Variants in KIAA0586 observed in about 807,000 individuals in gnomAD.
The protein encoded by KIAA0586 is protein TALPID3.
In KIAA0586, 144 loss-of-function variants were observed where a neutral mutation model predicts 169.8. The observed-to-expected ratio is 0.85, with a 90% CI of 0.74 to 0.97. The LOEUF is 0.97. Ranked by LOEUF, KIAA0586 falls within the 50% of genes least tolerant of loss-of-function variation. KIAA0586 has a pLI of 0.00. For missense variants in KIAA0586, 1,854 were observed against 1,823.0 expected, an observed-to-expected ratio of 1.02 and a Z score of -0.31; for synonymous variants, 625 against 612.4, an observed-to-expected ratio of 1.02 and a Z score of -0.30.
In KIAA0586 at chr14:58,482,679, T is replaced by TG; in HGVS notation, c.3115dup (p.Asp1039GlyfsTer6). The TG allele has an allele frequency of 1.9e-6, 3 of 1,578,970 alleles. No homozygotes were observed. The highest frequency in any genetic ancestry group is 2.6e-6 in the Non-Finnish European group (3 of 1,165,260). ...AAGGTCCTGTTGCTACAGGTGTTTC[T>TG]GGGGATGCTTCAACAAATGAAACAT... On this transcript the variant is annotated frameshift_variant, in exon 21 of 31. Transcript: ENST00000652326. LOFTEE classifies it high-confidence loss of function.
intron 26 of KIAA0586, among the ~76,000 whole-genome samples, chr14:58,497,600 C>G (rs183428318): frequency 6.6e-6 from 1 of 151,134 alleles, no homozygotes; most frequent in Non-Finnish European, 1.5e-5. Flanking sequence ...CCTGACCTTG[C>G]GATCTGCCCG....
chr14:58,482,492 A>ATT (rs748594194), intron 20 of KIAA0586, 21 bp from the exon 21 acceptor site: 150 of 1,132,762 alleles, frequency 1.3e-4, no homozygotes, highest in South Asian at 2.8e-4. Flanking sequence ...ACTTATTCTG[A>ATT]TTTTTTTTTT....
chr14:58,521,297 T>A, intron 29 of KIAA0586: 1 of 1,142,748 alleles, frequency 8.8e-7, no homozygotes, highest in Non-Finnish European at 1.3e-6. Flanking sequence ...ATCTCAACAC[T>A]CTTGTGCTCC....
At chr14:58,434,638 T>C (rs942168993) in intron 4 of KIAA0586, among the ~76,000 whole-genome samples, 1 of 152,234 alleles carries the variant, frequency 6.6e-6, no homozygotes, top group Admixed American at 6.5e-5. Context: ...TAAATTATAT[T>C]TTATCATATG....
rs1019828731 is a variant in KIAA0586, at chr14:58,492,169, A to G, written c.3884A>G (p.Gln1295Arg). ...EMEDDPPSEG[Q>R]VIRMSHKKFH... ...GAGGATGATCCTCCTAGTGAAGGGC[A>G]AGTGATTAGGATGTCCCATAAAAAA... Residue 1295 changes from glutamine (Q) to arginine (R), a missense_variant, in exon 26 of 31, where the codon CAA becomes CGA. Physicochemically the swap from Gln to Arg is conservative, Grantham distance 43. Coordinates refer to ENST00000652326, the MANE Select transcript of KIAA0586 (RefSeq NM_001329943.3). 3.2e-6 allele frequency: 5 copies of G among 1,546,480 alleles called. No homozygotes were observed. Among genetic ancestry groups the G allele is most frequent in the Middle Eastern group, 3.3e-4 (2 of 5,974 alleles).
chr14:58,454,742 T>G (rs28860573), intron 9 of KIAA0586, among the ~76,000 whole-genome samples: 1 of 152,178 alleles, frequency 6.6e-6, no homozygotes, highest in African/African-American at 2.4e-5. Context: ...TTGGTTTCTT[T>G]TGAGGCCTTT....
intron 16 of KIAA0586, 101 bp from the exon 17 acceptor site, chr14:58,470,512 T>C (rs765487721): frequency 1.2e-5 from 6 of 507,818 alleles, no homozygotes; most frequent in Non-Finnish European, 2.0e-5. Context: ...TTTTTATGTA[T>C]ATGTGTATAC....
Position 58,436,179 on chromosome 14 carries a change from G to A in KIAA0586, c.410+3722G>A, listed in dbSNP as rs367880562. Among the ~76,000 whole-genome samples the A allele has an allele frequency of 1.6e-3, 239 of 152,206 alleles. 1 individual carries two copies. Among genetic ancestry groups the A allele is most frequent in the Middle Eastern group, 6.8e-3 (2 of 294 alleles). ...GAAAATGAAATCAGTTATGGATATT[G>A]AAAAAGAGGAGGCAAAGTTATAATT... On this transcript the variant is annotated intron_variant, in intron 4 of 30. Coordinates refer to ENST00000652326, the MANE Select transcript of KIAA0586 (RefSeq NM_001329943.3).
At chr14:58,556,180 C>A (rs1180120559), downstream of KIAA0586, among the ~76,000 whole-genome samples, 1 of 152,182 alleles carries the variant, frequency 6.6e-6, no homozygotes, top group Non-Finnish European at 1.5e-5. Flanking sequence ...TTAGTGTTTA[C>A]AATTTCTTCT....
intron 29 of KIAA0586, among the ~76,000 whole-genome samples, chr14:58,526,530 C>T (rs2045595336): frequency 6.6e-6 from 1 of 152,026 alleles, no homozygotes; most frequent in African/African-American, 2.4e-5. Context: ...AAAAGGACAC[C>T]CACGCAGAAA....
At chr14:58,528,202 A>G (rs1429140891) in intron 29 of KIAA0586, among the ~76,000 whole-genome samples, 1 of 152,230 alleles carries the variant, frequency 6.6e-6, no homozygotes, top group African/African-American at 2.4e-5. Context: ...AGATTCATAA[A>G]ACAAGTTCTT....
At chr14:58,428,546 A>G in intron 1 of KIAA0586, 83 bp downstream of exon 1, 3 of 1,033,738 alleles carry the variant, frequency 2.9e-6, no homozygotes, top group Non-Finnish European at 4.3e-6. Context: ...CAAACGTAAG[A>G]TATAAGTCTA....
intron 26 of KIAA0586, 77 bp downstream of exon 26, chr14:58,492,352 T>A: frequency 7.6e-7 from 1 of 1,318,130 alleles, no homozygotes; most frequent in Non-Finnish European, 1.0e-6. Context: ...TACTACTAGT[T>A]AAAGCATGCT....
intron 7 of KIAA0586, 137 bp downstream of exon 7, chr14:58,448,630 A>G: frequency 2.4e-6 from 1 of 416,062 alleles, no homozygotes; most frequent in East Asian, 4.1e-5. Context: ...TTTGTTTTAT[A>G]AAACAATTTT....
chr14:58,548,369 A>C lies in KIAA0586; in HGVS notation c.*437A>C, dbSNP rs1309997100. The C allele has an allele frequency of 1.3e-5, 2 of 149,904 alleles. No individual in the cohort carries two copies. The highest frequency in any genetic ancestry group is 2.9e-5 in the Non-Finnish European group (2 of 68,354). 9.3% of individuals were successfully genotyped at this position (149,904 alleles called of 1,614,324 possible). A position where few individuals can be genotyped will look rare whatever the true frequency, so the allele number is the denominator to read the frequency against. On this transcript the variant is annotated 3_prime_UTR_variant, in exon 31 of 31. Coordinates refer to ENST00000652326, the MANE Select transcript of KIAA0586 (RefSeq NM_001329943.3). ...AGTACAATGGAATACTATGTATTAC[A>C]AAAAAAAATTTAAAAAGTTTATTGA...
intron 30 of KIAA0586, among the ~76,000 whole-genome samples, chr14:58,542,009 G>A (rs951814849): frequency 1.8e-4 from 28 of 152,034 alleles, no homozygotes; most frequent in Non-Finnish European, 3.7e-4. Flanking sequence ...TGCTTTCATG[G>A]TGATTTATTA....
intron 4 of KIAA0586, chr14:58,442,098 T>G (rs1566789700): frequency 6.6e-6 from 1 of 152,052 alleles, no homozygotes; most frequent in African/African-American, 2.4e-5. Flanking sequence ...GAGTAGTTTT[T>G]TTTGTTTGTT....
chr14:58,521,995 C>T, intron 29 of KIAA0586: 2 of 1,304,722 alleles, frequency 1.5e-6, no homozygotes, highest in Non-Finnish European at 2.2e-6. Flanking sequence ...CTCTTAAGCA[C>T]ATAGTGGGGT....
chr14:58,507,429 T>G (rs2044076338), intron 27 of KIAA0586, among the ~76,000 whole-genome samples: 1 of 149,454 alleles, frequency 6.7e-6, no homozygotes, highest in African/African-American at 2.4e-5. Context: ...AAAACTTAAT[T>G]TGCATATAAC....
Sources: allele counts gnomAD v4.1 joint callset (sites outside exome capture counted in the v4.1 genomes callset), GRCh38; gene constraint gnomAD v4.1.1; transcripts MANE v1.5; gene names NCBI Gene and HGNC (gene_info 2026-07-23, HGNC 2026-07-21).